A2M: variants seen among roughly 807,000 people sequenced by gnomAD.
A2M encodes the protein C3 and PZP-like alpha-2-macroglobulin domain-containing protein 5.
A2M carries 128 observed loss-of-function variants against 183.9 expected under a neutral mutation model. The ratio of observed to expected loss-of-function variants is 0.70; its 90% confidence interval spans 0.60 to 0.81. A2M has a LOEUF of 0.81. Among genes scored for constraint, A2M ranks in the 30% least tolerant of loss-of-function variants. A2M has a pLI of 0.00. For synonymous variants in A2M, 592 were observed against 670.8 expected (o/e 0.88, Z 1.81); for missense variants, 1,495 against 1,787.6 (o/e 0.84, Z 2.95).
At chr12:9,093,082 G>A (rs1565591472) in intron 18 of A2M, among the ~76,000 whole-genome samples, 1 of 152,208 alleles carries the variant, frequency 6.6e-6, no homozygotes, top group Non-Finnish European at 1.5e-5. Context: ...GTAGAAAGGT[G>A]GTTGGGGTTG....
At chr12:9,100,984 C>T (rs968387473) in intron 13 of A2M, among the ~76,000 whole-genome samples, 160 bp downstream of exon 13, 2 of 152,104 alleles carry the variant, frequency 1.3e-5, no homozygotes, top group African/African-American at 4.8e-5. Flanking sequence ...ACCAAAATCT[C>T]GGAAATCACT....
intron 33 of A2M, among the ~76,000 whole-genome samples, chr12:9,069,428 A>C (rs1247957493): frequency 6.6e-6 from 1 of 152,186 alleles, no homozygotes; most frequent in Non-Finnish European, 1.5e-5. Context: ...CTAATAATTG[A>C]CTAATCACAA....
At chr12:9,112,886 C>A (rs193047804) in intron 2 of A2M, among the ~76,000 whole-genome samples, 13 of 152,230 alleles carry the variant, frequency 8.5e-5, no homozygotes, top group African/African-American at 2.6e-4. Flanking sequence ...TGGAAAAAAA[C>A]CCCGTATTTT....
At chr12:9,112,570 A>G (rs771263140) in intron 2 of A2M, 34 bp from the exon 3 acceptor site, 14 of 1,611,464 alleles carry the variant, frequency 8.7e-6, no homozygotes, top group Non-Finnish European at 5.9e-6. Context: ...AACCCCATTC[A>G]GCACCCGCAG....
In A2M at chr12:9,089,908, C is replaced by T. The variant is rs1378437858; in HGVS notation, c.2712G>A (p.Leu904=). 6.2e-7 allele frequency: 1 copy of T among 1,609,124 alleles called. No homozygotes were observed. Among genetic ancestry groups the T allele is most frequent in the Non-Finnish European group, 8.5e-7 (1 of 1,176,768 alleles). Residue 904 remains leucine (L), a synonymous_variant, in exon 21 of 36, where the codon TTG becomes TTA. Coordinates refer to ENST00000318602, the MANE Select transcript of A2M (RefSeq NM_000014.6). The part of the protein sequence containing the change: ...GRKDTVIKPL[L]VEPEGLEKET... The stretch of plus-strand genomic sequence containing the variant: ...ATTATTTAGGTTTACTTACTTCAAC[C>T]AACAGAGGCTTGATGACTGTGTCTT...
chr12:9,073,193 A>T (rs1270775586), intron 29 of A2M, among the ~76,000 whole-genome samples: 2 of 152,196 alleles, frequency 1.3e-5, no homozygotes, highest in African/African-American at 4.8e-5. Context: ...GCTATTTGCT[A>T]ACATGTCTTT....
intron 10 of A2M, among the ~76,000 whole-genome samples, chr12:9,105,848 T>C (rs1031656139): frequency 1.3e-5 from 2 of 152,170 alleles, no homozygotes; most frequent in African/African-American, 2.4e-5. Context: ...ACAAAGTTAG[T>C]GTTAGCATCG....
At chr12:9,085,772 G>A (rs565674571) in intron 22 of A2M, among the ~76,000 whole-genome samples, 3 of 151,938 alleles carry the variant, frequency 2.0e-5, no homozygotes, top group Non-Finnish European at 4.4e-5. Context: ...TAAGAAAAAA[G>A]AGGGAGGCCT....
intron 22 of A2M, among the ~76,000 whole-genome samples, chr12:9,082,405 T>C (rs1011572424): frequency 2.0e-5 from 3 of 152,174 alleles, no homozygotes; most frequent in African/African-American, 7.2e-5. Context: ...AACAGTGATC[T>C]TGCCAGAGAG....
chr12:9,071,065 C>T (rs1948561635), intron 31 of A2M, among the ~76,000 whole-genome samples: 2 of 151,980 alleles, frequency 1.3e-5, no homozygotes, highest in Non-Finnish European at 2.9e-5. Flanking sequence ...GGTAATCTGC[C>T]CGCCTTGGCC....
At chr12:9,077,928 G>C in intron 25 of A2M, 71 bp from the exon 26 acceptor site, 1 of 1,579,636 alleles carries the variant, frequency 6.3e-7, no homozygotes, top group Non-Finnish European at 8.7e-7. Flanking sequence ...ACAGCAACAG[G>C]CTTCATATGA....
chr12:9,092,587 C>T (rs1331688356), intron 18 of A2M, among the ~76,000 whole-genome samples: 1 of 152,198 alleles, frequency 6.6e-6, no homozygotes, highest in Admixed American at 6.5e-5. Flanking sequence ...TCTCCACCTG[C>T]CCCACTGGCT....
intron 15 of A2M, among the ~76,000 whole-genome samples, chr12:9,096,254 T>C (rs1257433944): frequency 6.6e-6 from 1 of 152,222 alleles, no homozygotes; most frequent in Non-Finnish European, 1.5e-5. Context: ...AAGTACTAAG[T>C]ACTACTTCGT....
At chr12:9,071,123 G>A (rs1948563252) in intron 31 of A2M, among the ~76,000 whole-genome samples, 1 of 152,062 alleles carries the variant, frequency 6.6e-6, no homozygotes, top group Non-Finnish European at 1.5e-5. Flanking sequence ...CCCGGCTGAG[G>A]ATCTGCATTT....
In A2M at chr12:9,070,484, C is replaced by T; in HGVS notation, c.4194+4G>A. On this transcript the variant is annotated splice_donor_region_variant and intron_variant, in intron 32 of 35. Transcript: ENST00000318602. Reference sequence around the variant, plus strand: ...AGGGCAGTCTGGGGTTATGATAAACCTACCATTTTCACTGTTGGCTTCAGG... The same window carrying T: ...AGGGCAGTCTGGGGTTATGATAAACTTACCATTTTCACTGTTGGCTTCAGG... 2 of 1,609,248 alleles carry T rather than the reference C, an allele frequency of 1.2e-6. No homozygotes were observed. The highest frequency in any genetic ancestry group is 1.7e-4 in the Middle Eastern group (1 of 6,058).
chr12:9,097,755 C>T (rs1463686256), intron 15 of A2M, among the ~76,000 whole-genome samples: 1 of 151,814 alleles, frequency 6.6e-6, no homozygotes, highest in African/African-American at 2.4e-5. Flanking sequence ...GCCTCAGCCT[C>T]CTGAGTAGCT....
At chr12:9,087,977 A>T (rs2137768188) in intron 22 of A2M, among the ~76,000 whole-genome samples, 1 of 152,286 alleles carries the variant, frequency 6.6e-6, no homozygotes, top group Non-Finnish European at 1.5e-5. Flanking sequence ...TAGGAAGACT[A>T]AAACACTAAG....
chr12:9,069,069 A>G (rs1004508153), intron 33 of A2M: 1 of 397,862 alleles, frequency 2.5e-6, no homozygotes, highest in Non-Finnish European at 4.5e-6. Context: ...GCCAATACAT[A>G]GCTCTGTTCA....
intron 1 of A2M, chr12:9,115,051 A>G (rs987946819): frequency 1.3e-5 from 2 of 152,204 alleles, no homozygotes; most frequent in Non-Finnish European, 2.9e-5. Context: ...TTGTGTAGCT[A>G]TAAGTGCTAA....
Sources: allele counts gnomAD v4.1 joint callset (sites outside exome capture counted in the v4.1 genomes callset), GRCh38; gene constraint gnomAD v4.1.1; transcripts MANE v1.5; gene names NCBI Gene and HGNC (gene_info 2026-07-23, HGNC 2026-07-21).